NKD2: variants seen among roughly 807,000 people sequenced by gnomAD.
The protein encoded by NKD2 is protein naked cuticle homolog 2.
Under a neutral mutation model 34.8 loss-of-function variants are expected in NKD2, and 43 were observed. The ratio of observed to expected loss-of-function variants is 1.24; its 90% CI spans 0.97 to 1.60. The LOEUF is 1.60. Among genes scored for constraint, NKD2 ranks in the 40% most tolerant of loss-of-function variants. The pLI, the probability that NKD2 is intolerant of heterozygous loss-of-function variation, is 0.00. For missense variants in NKD2, 675 were observed against 627.1 expected, an observed-to-expected ratio of 1.08 and a Z score of -0.82; for synonymous variants, 278 against 265.1, an observed-to-expected ratio of 1.05 and a Z score of -0.47.
chr5:1,027,316 C>G (rs1287588252), intron 3 of NKD2, among the ~76,000 whole-genome samples: 1 of 152,230 alleles, frequency 6.6e-6, no homozygotes, highest in Non-Finnish European at 1.5e-5. Context: ...GCGATGAAAG[C>G]TGTAGGAGAG....
intron 5 of NKD2, 83 bp from the exon 6 acceptor site, chr5:1,034,152 C>A: frequency 3.0e-6 from 3 of 983,696 alleles, no homozygotes; most frequent in Admixed American, 2.2e-5. Context: ...CTGGGAAAGG[C>A]CCCAGAAGAT....
Position 1,008,950 on chromosome 5 carries a change from G to T in NKD2, c.-108G>T. 1 of 398,760 alleles carries T rather than the reference G, an allele frequency of 2.5e-6. No individual in the cohort carries two copies. 24.7% of individuals were successfully genotyped at this position (398,760 alleles called of 1,614,324 possible). A position where few individuals can be genotyped will look rare whatever the true frequency, so the allele number is the denominator to read the frequency against. On this transcript the variant is annotated 5_prime_UTR_variant, in exon 1 of 10. Coordinates refer to ENST00000296849, the MANE Select transcript of NKD2 (RefSeq NM_033120.4). ...AGCCATCTTCCCTCACCTCCTACCG[G>T]CACCCTAGCTTGCTCCCGGCCCATG...
At chr5:1,032,044 G>A in intron 3 of NKD2, 108 bp from the exon 4 acceptor site, 2 of 826,520 alleles carry the variant, frequency 2.4e-6, no homozygotes, top group Non-Finnish European at 4.1e-6. Flanking sequence ...CGCCCCAGGA[G>A]GCCTGAGGCG....
intron 3 of NKD2, among the ~76,000 whole-genome samples, chr5:1,031,629 C>T (rs927678988): frequency 3.9e-5 from 6 of 152,192 alleles, no homozygotes; most frequent in Non-Finnish European, 7.3e-5. Flanking sequence ...ATGTGAGCTT[C>T]GGCTCAGCTG....
At chr5:1,016,389 G>A (rs191480945) in intron 3 of NKD2, among the ~76,000 whole-genome samples, 193 of 152,384 alleles carry the variant, frequency 1.3e-3, no homozygotes, top group Non-Finnish European at 2.5e-3. Flanking sequence ...GCGCAGAGCT[G>A]GAATTCACTG....
At chr5:1,017,642 C>A (rs1013140734) in intron 3 of NKD2, among the ~76,000 whole-genome samples, 3 of 150,068 alleles carry the variant, frequency 2.0e-5, no homozygotes, top group Admixed American at 2.0e-4. Flanking sequence ...GACCCCAAAC[C>A]AGAAGTCCCT....
intron 3 of NKD2, among the ~76,000 whole-genome samples, chr5:1,030,063 C>T (rs922537736): frequency 5.3e-5 from 8 of 151,028 alleles, no homozygotes; most frequent in African/African-American, 1.7e-4. Context: ...CACAGGTCCC[C>T]TGCACCCTCC....
intron 7 of NKD2, 93 bp from the exon 8 acceptor site, chr5:1,035,296 G>GAATT (rs1408679995): frequency 1.0e-6 from 1 of 996,634 alleles, no homozygotes; most frequent in Non-Finnish European, 1.5e-6. Flanking sequence ...ATGAATGAAT[G>GAATT]AATGAGTGAG....
intron 3 of NKD2, among the ~76,000 whole-genome samples, chr5:1,029,568 A>C (rs999252162): frequency 1.3e-5 from 2 of 152,242 alleles, no homozygotes; most frequent in Non-Finnish European, 2.9e-5. Flanking sequence ...AAGTGCGCTC[A>C]GAATTTTTAG....
intron 3 of NKD2, among the ~76,000 whole-genome samples, chr5:1,027,874 C>T (rs908717765): frequency 6.6e-6 from 1 of 152,236 alleles, no homozygotes; most frequent in East Asian, 1.9e-4. Flanking sequence ...GGTGCCTGCA[C>T]CGGCACTTCC....
chr5:1,019,085 T>G (rs896031577), intron 3 of NKD2, among the ~76,000 whole-genome samples: 1 of 152,142 alleles, frequency 6.6e-6, no homozygotes, highest in Non-Finnish European at 1.5e-5. Flanking sequence ...GTGGCGGGGC[T>G]GTGATTGCCT....
chr5:1,035,818 A>AGGGTGGCTGGGGCAGTGGCTGG (rs1168005594), intron 8 of NKD2: 2 of 245,582 alleles, frequency 8.1e-6, no homozygotes, highest in African/African-American at 7.0e-5. Flanking sequence ...GCAGTGGCTG[A>AGGGTGGCTGGGGCAGTGGCTGG]GGGTGGCTGG....
intron 3 of NKD2, among the ~76,000 whole-genome samples, chr5:1,017,948 G>A (rs1254390934): frequency 6.6e-6 from 1 of 152,092 alleles, no homozygotes; most frequent in Non-Finnish European, 1.5e-5. Flanking sequence ...GACAGGCCAG[G>A]CAGGGGCGGG....
At chr5:1,016,521 G>A (rs1454869805) in intron 3 of NKD2, among the ~76,000 whole-genome samples, 3 of 152,244 alleles carry the variant, frequency 2.0e-5, no homozygotes, top group African/African-American at 7.2e-5. Flanking sequence ...TAAAAAGCAC[G>A]AAATATTGTA....
At position 1,009,239 on chromosome 5, in the gene NKD2, G is replaced by T. The variant is rs1479325808; in HGVS notation, c.61+25G>T. The T allele has an allele frequency of 1.2e-5, 6 of 490,462 alleles. No individual in the cohort carries two copies. The highest frequency in any genetic ancestry group is 2.1e-5 in the Non-Finnish European group (6 of 282,268). The allele number at this position is 490,462 out of a possible 1,614,324, so 30.4% of individuals were successfully genotyped here. A position where few individuals can be genotyped will look rare whatever the true frequency, so the allele number is the denominator to read the frequency against. ...GGTGAGCGGGCGAGCCGACGGGCGG[G>T]GCGGGGGGCGGCGACCCGGCCCGGG... On this transcript the variant is annotated intron_variant, in intron 2 of 9. Coordinates refer to ENST00000296849, the MANE Select transcript of NKD2 (RefSeq NM_033120.4). The surrounding 1 kb of genome is among the most constrained non-coding windows in gnomAD (Gnocchi z 6.9).
At chr5:1,035,223 C>T (rs143510999) in intron 7 of NKD2, among the ~76,000 whole-genome samples, 166 bp from the exon 8 acceptor site, 6 of 150,698 alleles carry the variant, frequency 4.0e-5, no homozygotes, top group Admixed American at 6.6e-5. Flanking sequence ...AATGAGTGAA[C>T]GAGTGAGTTA....
In NKD2 at chr5:1,033,504, G is replaced by A; in HGVS notation, c.330+5G>A. 6.5e-7 allele frequency: 1 copy of A among 1,546,928 alleles called. No homozygotes were observed. The highest frequency in any genetic ancestry group is 8.7e-7 in the Non-Finnish European group (1 of 1,144,574). On this transcript the variant is annotated splice_donor_5th_base_variant and intron_variant, in intron 5 of 9. Transcript: ENST00000296849. ...GGGCAGCGCCTCAACATTGACGTGG[G>A]TCTCTCTCCGGCCTCACTTGCGGGA...
At chr5:1,015,704 C>T (rs1435282630) in intron 3 of NKD2, among the ~76,000 whole-genome samples, 2 of 152,244 alleles carry the variant, frequency 1.3e-5, no homozygotes, top group South Asian at 2.1e-4. Flanking sequence ...CTGCCGCCAG[C>T]ATTTCAGGGT....
In NKD2 at chr5:1,035,492, G is replaced by C; in HGVS notation, c.659+19G>C. 6.5e-7 allele frequency: 1 copy of C among 1,545,826 alleles called. No homozygotes were observed. Among genetic ancestry groups the C allele is most frequent in the Non-Finnish European group, 8.8e-7 (1 of 1,142,826 alleles). ...ACGTCAGGTGAGGGCTGGGGTGCCA[G>C]GGTGGGGCTGTGCCTTAGGCGGGGG... On this transcript the variant is annotated intron_variant, in intron 8 of 9. Coordinates refer to ENST00000296849, the MANE Select transcript of NKD2 (RefSeq NM_033120.4).
Sources: allele counts gnomAD v4.1 joint callset (sites outside exome capture counted in the v4.1 genomes callset), GRCh38; gene constraint gnomAD v4.1.1; non-coding constraint Gnocchi (gnomAD v3.1); transcripts MANE v1.5; gene names NCBI Gene and HGNC (gene_info 2026-07-23, HGNC 2026-07-21).